Variants in ZNF423 observed in about 807,000 individuals in gnomAD.
The protein encoded by ZNF423 is zinc finger protein 423.
A neutral mutation model predicts 95.8 loss-of-function variants in ZNF423; 12 were observed. The ratio of observed to expected loss-of-function variants is 0.13; its 90% CI spans 0.08 to 0.20. ZNF423 has a LOEUF of 0.20. Ranked by LOEUF, ZNF423 falls within the 10% of genes least tolerant of loss-of-function variation. The pLI is 1.00. For synonymous variants in ZNF423, 749 were observed against 711.9 expected (o/e 1.05, Z -0.83); for missense variants, 1,316 against 1,737.1 (o/e 0.76, Z 4.31).
Position 49,854,571 on chromosome 16 carries a change from T to C in ZNF423, c.40+1164A>G, listed in dbSNP as rs922012381. 1.2e-5 allele frequency: 12 copies of C among 985,310 alleles called. No individual in the cohort carries two copies. The African/African-American group carries it at 2.1e-4, about 17-fold the overall frequency. The allele number at this position is 985,310 out of a possible 1,614,324, so 61.0% of individuals were successfully genotyped here. A position where few individuals can be genotyped will look rare whatever the true frequency, so the allele number is the denominator to read the frequency against. ...CCTGGGGGCTTTTGGCTCCGTAGACTTAGCCGCTCTCATCGTTCCCCCCTT... is the reference window on the plus strand; with the variant it reads ...CCTGGGGGCTTTTGGCTCCGTAGACCTAGCCGCTCTCATCGTTCCCCCCTT... On this transcript the variant is annotated intron_variant, in intron 1 of 7. Transcript: ENST00000563137.
At chr16:49,779,158 G>C (rs756357999) in intron 2 of ZNF423, among the ~76,000 whole-genome samples, 19 of 151,636 alleles carry the variant, frequency 1.3e-4, no homozygotes, top group Non-Finnish European at 2.5e-4. Context: ...TGCCAAGCCA[G>C]GGCTGGGCTG....
At chr16:49,531,596 CT>C (rs1191424115) in intron 5 of ZNF423, among the ~76,000 whole-genome samples, 20 of 152,134 alleles carry the variant, frequency 1.3e-4, no homozygotes, top group Admixed American at 1.2e-3. Flanking sequence ...GTGATAATAT[CT>C]GGGCAGCCAG....
chr16:49,720,785 T>C (rs1175178901), intron 3 of ZNF423, among the ~76,000 whole-genome samples: 1 of 152,238 alleles, frequency 6.6e-6, no homozygotes, highest in Non-Finnish European at 1.5e-5. Context: ...AAGATGTCTG[T>C]GGCTCCTGAC....
At chr16:49,612,393 C>G (rs1971753848) in intron 5 of ZNF423, among the ~76,000 whole-genome samples, 1 of 143,608 alleles carries the variant, frequency 7.0e-6, no homozygotes, top group Admixed American at 6.9e-5. Flanking sequence ...AGTGCATGGT[C>G]TCACAATAGG....
chr16:49,619,949 T>C (rs1397321456), intron 5 of ZNF423, among the ~76,000 whole-genome samples: 1 of 152,186 alleles, frequency 6.6e-6, no homozygotes, highest in Non-Finnish European at 1.5e-5. Context: ...CAGAGACTCC[T>C]TCCCCTCCAA....
At chr16:49,644,005 C>G (rs1163329204) in intron 3 of ZNF423, among the ~76,000 whole-genome samples, 1 of 152,226 alleles carries the variant, frequency 6.6e-6, no homozygotes, top group East Asian at 1.9e-4. Context: ...CTGCCTCGGA[C>G]ACACCTCATC....
intron 2 of ZNF423, among the ~76,000 whole-genome samples, chr16:49,733,523 G>C (rs1193793783): frequency 6.6e-6 from 1 of 152,144 alleles, no homozygotes; most frequent in African/African-American, 2.4e-5. Context: ...CAACTCTCAG[G>C]TTTTTATAAG....
intron 2 of ZNF423, among the ~76,000 whole-genome samples, chr16:49,757,962 G>A (rs371937482): frequency 2.0e-5 from 3 of 152,182 alleles, no homozygotes; most frequent in African/African-American, 7.2e-5. Flanking sequence ...TCAGGACTGC[G>A]GTACCTCCTC....
At chr16:49,567,551 C>T (rs144587564) in intron 5 of ZNF423, among the ~76,000 whole-genome samples, 174 of 152,104 alleles carry the variant, frequency 1.1e-3, no homozygotes, top group African/African-American at 4.0e-3. Context: ...GCTGGCCAAC[C>T]AGGAATCGGA....
intron 5 of ZNF423, among the ~76,000 whole-genome samples, chr16:49,552,638 A>G (rs529190227): frequency 1.3e-5 from 2 of 152,324 alleles, no homozygotes; most frequent in Non-Finnish European, 2.9e-5. Flanking sequence ...AAGAATTTAT[A>G]AAAGAAGCAC....
chr16:49,714,364 A>G (rs2032638706), intron 3 of ZNF423, among the ~76,000 whole-genome samples: 1 of 152,108 alleles, frequency 6.6e-6, no homozygotes, highest in South Asian at 2.1e-4. Context: ...AGCTAAATTA[A>G]AAACTGATGG....
chr16:49,758,560 A>G (rs2033769888), intron 2 of ZNF423, among the ~76,000 whole-genome samples: 1 of 152,122 alleles, frequency 6.6e-6, no homozygotes, highest in Non-Finnish European at 1.5e-5. Flanking sequence ...TGAACCACAT[A>G]GTAAGACCCC....
intron 7 of ZNF423, among the ~76,000 whole-genome samples, chr16:49,521,949 A>G (rs939805532): frequency 6.6e-6 from 1 of 152,202 alleles, no homozygotes; most frequent in Non-Finnish European, 1.5e-5. Context: ...CAGGCCTGGC[A>G]GTGTGGGTGG....
At chr16:49,787,700 C>T (rs576785404) in intron 2 of ZNF423, among the ~76,000 whole-genome samples, 1 of 152,140 alleles carries the variant, frequency 6.6e-6, no homozygotes, top group Non-Finnish European at 1.5e-5. Context: ...TGCTTGACAC[C>T]CCCCCTGCCC....
chr16:49,663,388 C>T (rs954508709), intron 3 of ZNF423, among the ~76,000 whole-genome samples: 5 of 152,158 alleles, frequency 3.3e-5, no homozygotes, highest in Non-Finnish European at 7.3e-5. Context: ...CACTGAGGCC[C>T]CCCAGCCCAC....
chr16:49,723,197 C>T (rs1050033147), intron 3 of ZNF423, among the ~76,000 whole-genome samples: 6 of 151,996 alleles, frequency 3.9e-5, no homozygotes, highest in Admixed American at 2.6e-4. Context: ...CCTCGTGATC[C>T]GCCTGCCTCG....
intron 3 of ZNF423, among the ~76,000 whole-genome samples, chr16:49,685,521 A>G (rs1441426848): frequency 6.6e-6 from 1 of 152,062 alleles, no homozygotes; most frequent in Non-Finnish European, 1.5e-5. Flanking sequence ...TCTGCCTCCA[A>G]TCCTATTCCT....
intron 2 of ZNF423, among the ~76,000 whole-genome samples, chr16:49,740,481 G>A (rs1035117778): frequency 6.6e-6 from 1 of 152,182 alleles, no homozygotes; most frequent in South Asian, 2.1e-4. Flanking sequence ...TTATCTTCAG[G>A]TTTAAAATAT....
chr16:49,816,985 G>C lies in ZNF423; in HGVS notation c.41-27439C>G, dbSNP rs114439040. 2.4e-3 allele frequency among the ~76,000 whole-genome samples: 366 copies of C among 152,242 alleles called. 2 individuals carry two copies. Among genetic ancestry groups the C allele is most frequent in the African/African-American group, 8.3e-3 (345 of 41,520 alleles). On this transcript the variant is annotated intron_variant, in intron 1 of 7. Transcript: ENST00000563137. ...AGTTGACTGCAAAGGCTTTTGAGAG[G>C]GTGAAGAAAAGCATGTGTCTATTTT...
Sources: gnomAD v4.1 joint callset for allele counts (sites outside exome capture counted in the v4.1 genomes callset) on GRCh38, gnomAD v4.1.1 for gene constraint, MANE v1.5 for transcripts, NCBI Gene and HGNC (gene_info 2026-07-23, HGNC 2026-07-21) for gene names.